NELL1: variants seen among roughly 807,000 people sequenced by gnomAD.
The protein encoded by NELL1 is protein kinase C-binding protein NELL1.
NELL1 carries 76 observed loss-of-function variants against 107.4 expected under a neutral mutation model. The ratio of observed to expected loss-of-function variants is 0.71; its 90% confidence interval spans 0.59 to 0.86. The LOEUF is 0.86. NELL1 is among the 40% of genes least tolerant of loss of function. NELL1 has a pLI of 0.00. For synonymous variants in NELL1, 353 were observed against 341.2 expected, an observed-to-expected ratio of 1.03 and a Z score of -0.38; for missense variants, 1,024 against 1,005.5, an observed-to-expected ratio of 1.02 and a Z score of -0.25.
At chr11:21,150,972 A>G (rs7108739) in intron 13 of NELL1, among the ~76,000 whole-genome samples, 43,501 of 151,960 alleles carry the variant, frequency 0.29, 6,444 homozygotes, top group Middle Eastern at 0.37. Flanking sequence ...AGGGCAAAGG[A>G]GGAAGTGCTA....
chr11:21,546,817 C>T (rs77145701), intron 16 of NELL1, among the ~76,000 whole-genome samples: 1,820 of 151,932 alleles, frequency 0.012, 44 homozygotes, highest in African/African-American at 0.041. Context: ...GTTTTTTGTT[C>T]TTACCCTGAG....
At chr11:21,504,410 G>C (rs1855229148) in intron 15 of NELL1, among the ~76,000 whole-genome samples, 1 of 152,182 alleles carries the variant, frequency 6.6e-6, no homozygotes, top group Admixed American at 6.5e-5. Context: ...TTAGTAAACA[G>C]TGGAGGAGGA....
intron 13 of NELL1, among the ~76,000 whole-genome samples, chr11:21,205,773 T>C (rs1038733873): frequency 2.0e-5 from 3 of 152,186 alleles, no homozygotes; most frequent in Non-Finnish European, 4.4e-5. Context: ...GTGCTTTAAA[T>C]ATGGGGAAAT....
intron 3 of NELL1, among the ~76,000 whole-genome samples, chr11:20,786,391 C>T (rs563621286): frequency 2.0e-5 from 3 of 151,032 alleles, no homozygotes; most frequent in South Asian, 2.1e-4. Flanking sequence ...AGAAGAAAAC[C>T]GTGTACAGGG....
chr11:21,284,159 C>A (rs1276728186), intron 14 of NELL1: 6 of 441,296 alleles, frequency 1.4e-5, no homozygotes, highest in South Asian at 9.6e-5. Flanking sequence ...CGACACCCTG[C>A]CACCATCATA....
intron 14 of NELL1, among the ~76,000 whole-genome samples, chr11:21,363,466 A>T (rs1286223869): frequency 1.3e-5 from 2 of 152,090 alleles, no homozygotes; most frequent in African/African-American, 4.8e-5. Context: ...TGTTTCACAG[A>T]ATTTGCTTCT....
Position 20,840,850 on chromosome 11 carries a change from A to G in NELL1, c.336-6733A>G, listed in dbSNP as rs180824428. On this transcript the variant is annotated intron_variant, in intron 3 of 19. Transcript: ENST00000357134. Reference sequence around the variant, plus strand: ...GCCAGATGGGAGATATTGTGTCTCAAAATACAGTTTTCCCAACAGAATATT... The same window carrying G: ...GCCAGATGGGAGATATTGTGTCTCAGAATACAGTTTTCCCAACAGAATATT... 1.2e-4 allele frequency among the ~76,000 whole-genome samples: 19 copies of G among 152,340 alleles called. No homozygotes were observed. The East Asian group carries it at 3.7e-3, about 29-fold the overall frequency.
intron 14 of NELL1, among the ~76,000 whole-genome samples, chr11:21,342,321 T>C (rs181447008): frequency 2.6e-5 from 4 of 151,758 alleles, no homozygotes; most frequent in Admixed American, 1.3e-4. Flanking sequence ...GCAATAGCAT[T>C]TACTTATCTG....
At chr11:21,439,827 C>T (rs1564894423) in intron 15 of NELL1, among the ~76,000 whole-genome samples, 1 of 151,986 alleles carries the variant, frequency 6.6e-6, no homozygotes, top group South Asian at 2.1e-4. Flanking sequence ...CCTGAGAACA[C>T]TCATTGATGG....
chr11:20,956,092 G>A (rs929045912), intron 11 of NELL1, among the ~76,000 whole-genome samples: 42 of 152,190 alleles, frequency 2.8e-4, no homozygotes, highest in African/African-American at 8.9e-4. Context: ...GGTGGTACAC[G>A]CCTGTAGTCC....
intron 3 of NELL1, among the ~76,000 whole-genome samples, chr11:20,796,673 T>G (rs1053618469): frequency 6.6e-6 from 1 of 152,154 alleles, no homozygotes; most frequent in African/African-American, 2.4e-5. Context: ...AGCTGTCTTG[T>G]CAGCATCATT....
chr11:20,672,998 G>A (rs1256112415), intron 1 of NELL1, among the ~76,000 whole-genome samples: 2 of 127,592 alleles, frequency 1.6e-5, no homozygotes, highest in South Asian at 4.6e-4. Context: ...GAGTAGCTGG[G>A]ATTACAGGCA....
At chr11:21,220,260 T>G (rs1231095247) in intron 13 of NELL1, among the ~76,000 whole-genome samples, 1 of 152,210 alleles carries the variant, frequency 6.6e-6, no homozygotes, top group Admixed American at 6.5e-5. Flanking sequence ...TTGGTTACCA[T>G]AGCTTTGTAG....
At chr11:21,367,223 C>A (rs1851243820) in intron 14 of NELL1, among the ~76,000 whole-genome samples, 1 of 150,870 alleles carries the variant, frequency 6.6e-6, no homozygotes, top group Admixed American at 6.7e-5. Context: ...AAGTTAATAA[C>A]AAATGGCACT....
At chr11:21,453,499 C>A (rs1051938506) in intron 15 of NELL1, among the ~76,000 whole-genome samples, 1 of 152,040 alleles carries the variant, frequency 6.6e-6, no homozygotes, top group African/African-American at 2.4e-5. Context: ...GTCTCCATAT[C>A]TTTAAACTTC....
At chr11:20,777,606 A>G (rs533781844) in intron 2 of NELL1, among the ~76,000 whole-genome samples, 226 of 152,306 alleles carry the variant, frequency 1.5e-3, no homozygotes, top group African/African-American at 5.2e-3. Flanking sequence ...AATTTCCTCT[A>G]CATTCAGAAA....
intron 12 of NELL1, among the ~76,000 whole-genome samples, chr11:20,967,257 T>G (rs1481220476): frequency 6.6e-6 from 1 of 152,170 alleles, no homozygotes; most frequent in Non-Finnish European, 1.5e-5. Context: ...CCCTGCAAAT[T>G]CTTAGTTAAG....
At chr11:21,461,498 A>G (rs758197871) in intron 15 of NELL1, among the ~76,000 whole-genome samples, 3 of 152,126 alleles carry the variant, frequency 2.0e-5, no homozygotes, top group Non-Finnish European at 4.4e-5. Flanking sequence ...TTTAGGAAAC[A>G]TTAACAGAAG....
chr11:20,986,343 A>T (rs1043157762), intron 12 of NELL1, among the ~76,000 whole-genome samples: 2 of 152,162 alleles, frequency 1.3e-5, no homozygotes, highest in Non-Finnish European at 2.9e-5. Context: ...CATGTTCCAG[A>T]TGTGGAGTGA....
Sources: gnomAD v4.1 joint callset for allele counts (sites outside exome capture counted in the v4.1 genomes callset) on GRCh38, gnomAD v4.1.1 for gene constraint, MANE v1.5 for transcripts, NCBI Gene and HGNC (gene_info 2026-07-23, HGNC 2026-07-21) for gene names.